The following ZNF334 variants were observed in gnomAD, a reference collection of about 807,000 sequenced individuals.
ZNF334 encodes the protein zinc finger protein 334.
Under a neutral mutation model 12.4 loss-of-function variants are expected in ZNF334, and 14 were observed. The ratio of observed to expected loss-of-function variants is 1.13; its 90% CI spans 0.74 to 1.76. The LOEUF is 1.76. Among genes scored for constraint, ZNF334 ranks in the 40% most tolerant of loss-of-function variants. The probability of loss-of-function intolerance (pLI) is 0.00; values close to 1 mark genes in which losing one functional copy is unlikely to be tolerated. For missense variants in ZNF334, 797 were observed against 804.5 expected (o/e 0.99, Z 0.11); for synonymous variants, 273 against 269.6 (o/e 1.01, Z -0.12).
Position 46,502,648 on chromosome 20 carries a change from G to A in ZNF334, c.691C>T (p.Gln231Ter), listed in dbSNP as rs1052338880. The change falls in exon 5 of 5, where the codon CAG becomes TAG. Residue 231 changes from glutamine (Q) to a stop codon, truncating the protein, a stop_gained. Coordinates refer to ENST00000692313, the MANE Select transcript of ZNF334 (RefSeq NM_001353824.2). LOFTEE classifies it low-confidence loss of function (END_TRUNC). ...CATTCATTTGGTTTCCTTTCAGTCTGTCTCCCCTTTTGTGTAATGAGAATT... is the reference window on the plus strand; with the variant it reads ...CATTCATTTGGTTTCCTTTCAGTCTATCTCCCCTTTTGTGTAATGAGAATT... ...RAILITQKGR[Q>*]TERKPNECNE... 3 of 1,612,614 alleles carry A rather than the reference G, an allele frequency of 1.9e-6. No homozygotes were observed. The highest frequency in any genetic ancestry group is 3.3e-5 in the Admixed American group (2 of 60,014).
the ZNF334 span, among the ~76,000 whole-genome samples, chr20:46,473,927 T>C: frequency 6.6e-6 from 1 of 152,200 alleles, no homozygotes; most frequent in Admixed American, 6.5e-5. Context: ...TGTGACCCCA[T>C]TATGCCAGAA....
chr20:46,485,726 T>A, the ZNF334 span: 7 of 152,286 alleles, frequency 4.6e-5, no homozygotes, highest in Non-Finnish European at 8.8e-5. Flanking sequence ...GTCTGGAGTA[T>A]CATTTTATCT....
Position 46,504,683 on chromosome 20 carries a change from G to T in ZNF334, c.79C>A (p.Leu27Met). The T allele has an allele frequency of 6.2e-7, 1 of 1,612,600 alleles. No homozygotes were observed. The highest frequency in any genetic ancestry group is 8.5e-7 in the Non-Finnish European group (1 of 1,179,394). The change falls in exon 3 of 5, where the codon CTG (leucine) becomes ATG (methionine). Residue 27 changes from leucine (L) to methionine (M), a missense_variant. By Grantham distance (15) the Leu-to-Met change is conservative. Coordinates refer to ENST00000692313, the MANE Select transcript of ZNF334 (RefSeq NM_001353824.2). ...TACAGGAGCCTCTGAGCAGGGTCCA[G>T]TTGCTGCCATTCCTCTTGGGTGAAG... ...VNFTQEEWQQLDPAQRLLYRD... is the reference protein window; with the variant it reads ...VNFTQEEWQQMDPAQRLLYRD...
rs1321535676 is a variant in ZNF334, at chr20:46,504,156, G to A, written c.241+58C>T. ...CATTACGATGCCAACTATTACCACC[G>A]ACCACCATGGAACTCTCATTTCCAT... On this transcript the variant is annotated intron_variant, in intron 4 of 4. Coordinates refer to ENST00000692313, the MANE Select transcript of ZNF334 (RefSeq NM_001353824.2). 27 of 1,218,156 alleles carry A rather than the reference G, an allele frequency of 2.2e-5. No individual in the cohort carries two copies. The East Asian group carries it at 2.6e-4, about 12-fold the overall frequency. 75.5% of individuals were successfully genotyped at this position (1,218,156 alleles called of 1,614,324 possible).
chr20:46,498,570 C>T (rs993818816), downstream of ZNF334, among the ~76,000 whole-genome samples: 13 of 152,176 alleles, frequency 8.5e-5, no homozygotes, highest in East Asian at 3.9e-4. Context: ...AGCCAAGTTA[C>T]TCTACAATTC....
intron 2 of ZNF334, among the ~76,000 whole-genome samples, chr20:46,510,207 T>G (rs1007270137): frequency 2.6e-5 from 4 of 152,134 alleles, no homozygotes; most frequent in South Asian, 4.2e-4. Flanking sequence ...ATGATCACGT[T>G]GGCATTTTGG....
the ZNF334 span, among the ~76,000 whole-genome samples, chr20:46,488,421 A>ATT: frequency 3.5e-4 from 39 of 111,834 alleles, 1 homozygote; most frequent in African/African-American, 6.2e-4. Context: ...CTCTTATTTT[A>ATT]TATATATATA....
At chr20:46,512,258 C>G in intron 1 of ZNF334, 118 bp from the exon 2 acceptor site, 1 of 656,498 alleles carries the variant, frequency 1.5e-6, no homozygotes, top group Admixed American at 2.8e-5. Context: ...CAGTCTGGTT[C>G]AGGAAGCAAC....
At chr20:46,493,778 A>G in the ZNF334 span, among the ~76,000 whole-genome samples, 1 of 152,182 alleles carries the variant, frequency 6.6e-6, no homozygotes, top group Non-Finnish European at 1.5e-5. Context: ...AAAAACACAA[A>G]AATTAGCATG....
the ZNF334 span, among the ~76,000 whole-genome samples, chr20:46,468,513 G>A: frequency 6.6e-6 from 1 of 151,172 alleles, no homozygotes; most frequent in Non-Finnish European, 1.5e-5. Context: ...TTGAACTCCT[G>A]ACCTCAGGTG....
chr20:46,502,026 C>T lies in ZNF334; in HGVS notation c.1313G>A (p.Cys438Tyr). ...TGATTTCGTACATAAAAATTTTCCA[C>T]ATTGACTGCATTCATAGGGCTTCTC... ...TGEKPYECSQ[C>Y]GKFLCTKSAL... Residue 438 changes from cysteine (C) to tyrosine (Y), a missense_variant, in exon 5 of 5, where the codon TGT becomes TAT. Physicochemically the swap from Cys to Tyr is radical, Grantham distance 194. Transcript: ENST00000692313. The T allele has an allele frequency of 6.2e-7, 1 of 1,614,124 alleles. No homozygotes were observed. The highest frequency in any genetic ancestry group is 8.5e-7 in the Non-Finnish European group (1 of 1,180,018).
In ZNF334 at chr20:46,501,458, T is replaced by C. The variant is rs950336703; in HGVS notation, c.1881A>G (p.Pro627=). The C allele has an allele frequency of 5.6e-6, 9 of 1,614,032 alleles. No individual in the cohort carries two copies. Among genetic ancestry groups the C allele is most frequent in the East Asian group, 2.2e-5 (1 of 44,878 alleles). ...TTTTCCCACATTGATTACATTCATA[T>C]GGTTTCTCTCCTGTGTGAATTCTTC... The part of the protein sequence containing the change: ...VHRRIHTGEK[P]YECNQCGKTY... Residue 627 remains proline (P), a synonymous_variant, in exon 5 of 5, where the codon CCA becomes CCG. Transcript: ENST00000692313.
the ZNF334 span, among the ~76,000 whole-genome samples, chr20:46,471,811 C>T: frequency 2.0e-5 from 3 of 152,128 alleles, no homozygotes; most frequent in African/African-American, 7.2e-5. Flanking sequence ...TATGCCAACA[C>T]CATACTTAAT....
chr20:46,489,170 G>C, the ZNF334 span, among the ~76,000 whole-genome samples: 5 of 151,802 alleles, frequency 3.3e-5, no homozygotes, highest in African/African-American at 1.2e-4. Context: ...CAGATGCCCA[G>C]TACCAACATG....
In ZNF334 at chr20:46,502,808, T is replaced by C. The variant is rs188717219; in HGVS notation, c.531A>G (p.Gly177=). ...GFGKHEKSHL[G]MKKYRYNPMR... ...TTGGATTGTATCTGTATTTTTTCAT[T>C]CCCAAATGACTTTTCTCATGCTTCC... The change falls in exon 5 of 5, where the codon GGA becomes GGG. Residue 177 remains glycine, a synonymous_variant. Coordinates refer to ENST00000692313, the MANE Select transcript of ZNF334 (RefSeq NM_001353824.2). 2.5e-6 allele frequency: 4 copies of C among 1,613,962 alleles called. No individual in the cohort carries two copies. In the East Asian group the frequency reaches 8.9e-5, roughly 36 times the overall value.
At chr20:46,467,309 A>G in the ZNF334 span, among the ~76,000 whole-genome samples, 1 of 152,252 alleles carries the variant, frequency 6.6e-6, no homozygotes, top group Non-Finnish European at 1.5e-5. Context: ...AAAATAACGC[A>G]TATTTCCTAA....
Position 46,505,427 on chromosome 20 carries a change from A to G in ZNF334, c.22-687T>C, listed in dbSNP as rs1416483827. The G allele has an allele frequency of 5.2e-5, 8 of 153,244 alleles. No individual in the cohort carries two copies. The East Asian group carries it at 9.6e-4, about 18-fold the overall frequency. The allele number at this position is 153,244 out of a possible 1,614,324, so 9.5% of individuals were successfully genotyped here. A position where few individuals can be genotyped will look rare whatever the true frequency, so the allele number is the denominator to read the frequency against. On this transcript the variant is annotated intron_variant, in intron 2 of 4. Transcript: ENST00000692313. ...CCAAGTGAGTTCCAGCTATACACTA[A>G]TATCAATAAAGCTTAATTATTTTTT... is the stretch of plus-strand genomic sequence containing the variant.
the ZNF334 span, among the ~76,000 whole-genome samples, chr20:46,469,399 C>A: frequency 2.6e-3 from 385 of 148,492 alleles, no homozygotes; most frequent in African/African-American, 9.2e-3. Flanking sequence ...GACGGAGTCT[C>A]GCTCTGTCGC....
rs758290575 is a variant in ZNF334 at position 46,504,662 on chromosome 20, G to A, written c.100C>T (p.Leu34=). ...WQQLDPAQRL[L]YRDVMLENYS... ...TTCTCCAGCATCACATCCCTGTACA[G>A]GAGCCTCTGAGCAGGGTCCAGTTGC... Residue 34 remains leucine, a synonymous_variant, in exon 3 of 5, where the codon CTG becomes TTG. Transcript: ENST00000692313. The A allele has an allele frequency of 1.1e-5, 18 of 1,612,448 alleles. No homozygotes were observed. In the East Asian group the frequency reaches 3.8e-4, roughly 34 times the overall value.
Sources: gnomAD v4.1 joint callset for allele counts (sites outside exome capture counted in the v4.1 genomes callset) on GRCh38, gnomAD v4.1.1 for gene constraint, MANE v1.5 for transcripts, NCBI Gene and HGNC (gene_info 2026-07-23, HGNC 2026-07-21) for gene names.